PARPBP: variants seen among roughly 807,000 people sequenced by gnomAD.
The protein encoded by PARPBP is PARP1 binding protein.
Under a neutral mutation model 50.0 loss-of-function variants are expected in PARPBP, and 52 were observed. That is an observed-to-expected ratio of 1.04 (90% CI 0.83 to 1.31). The LOEUF (loss-of-function observed/expected upper bound fraction) is 1.31. Among genes scored for constraint, PARPBP ranks in the 50% most tolerant of loss-of-function variants. The pLI, the probability that PARPBP is intolerant of heterozygous loss-of-function variation, is 0.00. For missense variants in PARPBP, 697 were observed against 672.0 expected, an observed-to-expected ratio of 1.04 and a Z score of -0.41; for synonymous variants, 244 against 232.1, an observed-to-expected ratio of 1.05 and a Z score of -0.47.
intron 4 of PARPBP, chr12:102,154,820 C>G (rs1886657367): frequency 4.4e-6 from 2 of 454,838 alleles, no homozygotes; most frequent in South Asian, 1.6e-5. Flanking sequence ...AATCTTTCCC[C>G]TTCCAGGCCC....
At chr12:102,189,233 G>T (rs2137265890) in intron 9 of PARPBP, among the ~76,000 whole-genome samples, 1 of 152,298 alleles carries the variant, frequency 6.6e-6, no homozygotes, top group East Asian at 1.9e-4. Flanking sequence ...AGTTGCCTAT[G>T]GGTTCCAAAT....
intron 4 of PARPBP, among the ~76,000 whole-genome samples, chr12:102,155,810 C>T (rs1886826836): frequency 6.6e-6 from 1 of 152,196 alleles, no homozygotes; most frequent in African/African-American, 2.4e-5. Context: ...AGACCTGCTG[C>T]TGACTTTGGT....
intron 9 of PARPBP, among the ~76,000 whole-genome samples, chr12:102,184,080 A>G (rs1403060227): frequency 6.7e-6 from 1 of 149,466 alleles, no homozygotes; most frequent in African/African-American, 2.5e-5. Context: ...AGAATGTAAG[A>G]CATGACATAA....
chr12:102,146,399 C>T (rs11111179), intron 2 of PARPBP, among the ~76,000 whole-genome samples: 5 of 152,122 alleles, frequency 3.3e-5, no homozygotes, highest in East Asian at 1.9e-4. Flanking sequence ...ACAGAGCCCT[C>T]GGAAATAATG....
rs548830933 is a variant in PARPBP at position 102,124,664 on chromosome 12, G to C, written c.153+623G>C. The stretch of plus-strand genomic sequence containing the variant: ...ATGAGGAAAGTCAGTTCAGAAGAAG[G>C]GTTCAGGGGAATCAAAGTCATGGTA... On this transcript the variant is annotated intron_variant, in intron 2 of 10. Coordinates refer to ENST00000327680, the MANE Select transcript of PARPBP (RefSeq NM_017915.5). Among the ~76,000 whole-genome samples, 33 of 152,310 alleles carry C rather than the reference G, an allele frequency of 2.2e-4. No individual in the cohort carries two copies. In the East Asian group the frequency reaches 4.8e-3, roughly 22 times the overall value.
At chr12:102,193,122 A>G (rs1264800900) in intron 9 of PARPBP, among the ~76,000 whole-genome samples, 1 of 151,756 alleles carries the variant, frequency 6.6e-6, no homozygotes, top group African/African-American at 2.4e-5. Flanking sequence ...GGAGTTTAGA[A>G]TTTGTCTGTG....
chr12:102,183,294 A>T (rs1890010103), intron 9 of PARPBP, among the ~76,000 whole-genome samples: 1 of 152,168 alleles, frequency 6.6e-6, no homozygotes, highest in Admixed American at 6.5e-5. Flanking sequence ...TCATTAAATA[A>T]GATTTTTATA....
At chr12:102,191,070 T>C (rs1302693108) in intron 9 of PARPBP, among the ~76,000 whole-genome samples, 2 of 152,218 alleles carry the variant, frequency 1.3e-5, no homozygotes, top group East Asian at 3.9e-4. Context: ...ATTGAGTACC[T>C]ACTAAGTGTT....
chr12:102,142,939 AG>A (rs1884842285), intron 2 of PARPBP, among the ~76,000 whole-genome samples: 2 of 152,226 alleles, frequency 1.3e-5, no homozygotes, highest in Admixed American at 1.3e-4. Context: ...CTTGGTGTTC[AG>A]GGACCTACTT....
chr12:102,180,721 T>A (rs926248909), intron 8 of PARPBP, among the ~76,000 whole-genome samples: 8 of 152,080 alleles, frequency 5.3e-5, no homozygotes, highest in Non-Finnish European at 8.8e-5. Context: ...AAAGAAAAGG[T>A]TTTTCTATAC....
At chr12:102,128,371 G>A (rs548539276) in intron 2 of PARPBP, among the ~76,000 whole-genome samples, 68 of 152,140 alleles carry the variant, frequency 4.5e-4, no homozygotes, top group African/African-American at 1.6e-3. Context: ...AGCTGGGACT[G>A]CAGGCACCCG....
intron 2 of PARPBP, among the ~76,000 whole-genome samples, chr12:102,136,994 A>G (rs1883736653): frequency 6.6e-6 from 1 of 151,876 alleles, no homozygotes; most frequent in Admixed American, 6.6e-5. Context: ...TCACTCTGTC[A>G]CCCAGGCTGG....
intron 8 of PARPBP, among the ~76,000 whole-genome samples, chr12:102,179,344 A>G (rs914723228): frequency 2.0e-5 from 3 of 152,202 alleles, no homozygotes; most frequent in African/African-American, 7.2e-5. Context: ...ATATTTACCA[A>G]ATTAATGCTG....
At chr12:102,193,018 AT>A in intron 9 of PARPBP, among the ~76,000 whole-genome samples, 1 of 151,712 alleles carries the variant, frequency 6.6e-6, no homozygotes, top group South Asian at 2.1e-4. Flanking sequence ...AAAGTCATTA[AT>A]TATTTTTCTT....
At chr12:102,162,267 A>G (rs1887682148) in intron 4 of PARPBP, among the ~76,000 whole-genome samples, 1 of 152,208 alleles carries the variant, frequency 6.6e-6, no homozygotes, top group Non-Finnish European at 1.5e-5. Context: ...TAATAAGGGA[A>G]ATATTTTCTT....
At chr12:102,126,494 G>A (rs550624069) in intron 2 of PARPBP, among the ~76,000 whole-genome samples, 4 of 152,176 alleles carry the variant, frequency 2.6e-5, no homozygotes, top group Non-Finnish European at 5.9e-5. Context: ...TTTTAAAGTT[G>A]TAACAGATGG....
intron 2 of PARPBP, among the ~76,000 whole-genome samples, chr12:102,131,642 T>G (rs1882870893): frequency 6.6e-6 from 1 of 152,150 alleles, no homozygotes; most frequent in South Asian, 2.1e-4. Flanking sequence ...ATATACATCA[T>G]GGAATACTCT....
chr12:102,157,670 T>C (rs765276359), intron 4 of PARPBP, among the ~76,000 whole-genome samples: 1 of 152,214 alleles, frequency 6.6e-6, no homozygotes, highest in Non-Finnish European at 1.5e-5. Context: ...GTCTCTCCAG[T>C]ACAAAGATGT....
intron 2 of PARPBP, among the ~76,000 whole-genome samples, chr12:102,141,315 T>C (rs1884559455): frequency 6.6e-6 from 1 of 152,168 alleles, no homozygotes; most frequent in Non-Finnish European, 1.5e-5. Context: ...CCCCTGCTTT[T>C]TTTTTTGTTT....
Sources: gnomAD v4.1 joint callset for allele counts (sites outside exome capture counted in the v4.1 genomes callset) on GRCh38, gnomAD v4.1.1 for gene constraint, MANE v1.5 for transcripts, NCBI Gene and HGNC (gene_info 2026-07-23, HGNC 2026-07-21) for gene names.